Variants in ACTMAP observed in about 807,000 individuals in gnomAD.
ACTMAP encodes the protein UPF0692 protein C19orf54.
the ACTMAP span, chr19:40,750,009 A>G: frequency 2.2e-6 from 1 of 454,372 alleles, no homozygotes; most frequent in Non-Finnish European, 3.8e-6. Flanking sequence ...GTCATAAGGC[A>G]CCTGACGGTT....
the ACTMAP span, among the ~76,000 whole-genome samples, chr19:40,746,175 C>T: frequency 2.6e-5 from 4 of 152,136 alleles, no homozygotes; most frequent in African/African-American, 9.7e-5. Context: ...TGGGGGAGGC[C>T]ACTCAGATAG....
At chr19:40,742,180 G>C in the ACTMAP span, 1 of 664,142 alleles carries the variant, frequency 1.5e-6, no homozygotes, top group Non-Finnish European at 2.8e-6. Context: ...TGAGATGACA[G>C]AGGCGGCCCC....
the ACTMAP span, among the ~76,000 whole-genome samples, chr19:40,746,700 G>C: frequency 6.6e-6 from 1 of 151,872 alleles, no homozygotes; most frequent in Non-Finnish European, 1.5e-5. Context: ...AGTAGATACG[G>C]GGTTTCTCCA....
chr19:40,744,115 C>G, the ACTMAP span: 1 of 1,613,544 alleles, frequency 6.2e-7, no homozygotes, highest in Non-Finnish European at 8.5e-7. Flanking sequence ...GACGAGGTCT[C>G]TGTTGGGACC....
chr19:40,749,675 G>A, the ACTMAP span: 2 of 1,536,900 alleles, frequency 1.3e-6, no homozygotes. Flanking sequence ...TCCAGGGAGG[G>A]GATGGTAAAG....
At chr19:40,749,547 T>C in the ACTMAP span, 1 of 1,551,302 alleles carries the variant, frequency 6.4e-7, no homozygotes, top group Admixed American at 2.0e-5. Flanking sequence ...GCCGGCCTTA[T>C]CAAAGGCCTC....
At chr19:40,744,034 C>G in the ACTMAP span, 30 of 1,613,870 alleles carry the variant, frequency 1.9e-5, no homozygotes, top group Non-Finnish European at 2.4e-5. Context: ...CCTTTGCCAC[C>G]CCTGCCCTCC....
the ACTMAP span, among the ~76,000 whole-genome samples, chr19:40,743,120 C>G: frequency 6.6e-6 from 1 of 152,274 alleles, no homozygotes; most frequent in Non-Finnish European, 1.5e-5. Flanking sequence ...AGCGGAGCCT[C>G]CCCCGGACCT....
At chr19:40,744,024 C>G in the ACTMAP span, 10 of 1,614,016 alleles carry the variant, frequency 6.2e-6, no homozygotes, top group Non-Finnish European at 8.5e-6. Flanking sequence ...TGGGACCCAC[C>G]CTTTGCCACC....
the ACTMAP span, chr19:40,745,248 C>T: frequency 8.4e-6 from 13 of 1,538,502 alleles, no homozygotes; most frequent in Admixed American, 2.4e-4. Flanking sequence ...TGAAGCACCC[C>T]CTACCCTGAG....
the ACTMAP span, chr19:40,745,255 T>TGAG: frequency 6.5e-7 from 1 of 1,527,412 alleles, no homozygotes; most frequent in Non-Finnish European, 8.9e-7. Context: ...CCCCCTACCC[T>TGAG]GAGGTCTGGC....
chr19:40,747,028 A>T, the ACTMAP span, among the ~76,000 whole-genome samples: 1 of 151,560 alleles, frequency 6.6e-6, no homozygotes, highest in Non-Finnish European at 1.5e-5. Flanking sequence ...GCTAGTCTCA[A>T]ACTCCTGGCC....
At chr19:40,743,240 T>TC in the ACTMAP span, among the ~76,000 whole-genome samples, 3 of 151,698 alleles carry the variant, frequency 2.0e-5, no homozygotes, top group Non-Finnish European at 2.9e-5. Context: ...TTCTATTTTT[T>TC]TTTTTTTTTT....
At chr19:40,744,263 T>C in the ACTMAP span, 7 of 1,474,300 alleles carry the variant, frequency 4.7e-6, no homozygotes, top group Non-Finnish European at 5.4e-6. Flanking sequence ...GGGCTCACAG[T>C]GGGCGATGCT....
At chr19:40,745,790 A>T in the ACTMAP span, among the ~76,000 whole-genome samples, 1 of 152,176 alleles carries the variant, frequency 6.6e-6, no homozygotes, top group African/African-American at 2.4e-5. Context: ...CTCCTGCCTC[A>T]GCCTCCCGAG....
At chr19:40,744,800 G>T in the ACTMAP span, 3 of 1,409,546 alleles carry the variant, frequency 2.1e-6, no homozygotes, top group Non-Finnish European at 2.8e-6. Flanking sequence ...TCCCAGGCCA[G>T]CGAGGGAGAC....
At chr19:40,742,075 T>C in the ACTMAP span, 1 of 505,944 alleles carries the variant, frequency 2.0e-6, no homozygotes, top group Non-Finnish European at 3.8e-6. Context: ...AGGAAGACCT[T>C]GGGCTAAGGA....
the ACTMAP span, among the ~76,000 whole-genome samples, chr19:40,743,463 C>T: frequency 6.6e-6 from 1 of 152,104 alleles, no homozygotes; most frequent in Non-Finnish European, 1.5e-5. Flanking sequence ...AAACTCCTGA[C>T]CTCAAGCGAT....
At chr19:40,747,958 T>C in the ACTMAP span, among the ~76,000 whole-genome samples, 30 of 152,288 alleles carry the variant, frequency 2.0e-4, no homozygotes, top group East Asian at 5.6e-3. Context: ...AGGGGCATTA[T>C]AGCTAAGGGG....
Sources: gnomAD v4.1 joint callset for allele counts (sites outside exome capture counted in the v4.1 genomes callset) on GRCh38, gnomAD v4.1.1 for gene constraint, MANE v1.5 for transcripts, NCBI Gene and HGNC (gene_info 2026-07-23, HGNC 2026-07-21) for gene names.